HACE1: variants seen among roughly 807,000 people sequenced by gnomAD.
HACE1 encodes E3 ubiquitin-protein ligase HACE1.
A neutral mutation model predicts 118.4 loss-of-function variants in HACE1; 73 were observed. The ratio of observed to expected loss-of-function variants is 0.62; its 90% confidence interval spans 0.51 to 0.75. The LOEUF (loss-of-function observed/expected upper bound fraction) is 0.75, where lower values mean the gene tolerates loss of function less well. Among genes scored for constraint, HACE1 ranks in the 30% least tolerant of loss-of-function variants. The probability of loss-of-function intolerance (pLI) is 0.00; values close to 1 mark genes in which losing one functional copy is unlikely to be tolerated. For synonymous variants in HACE1, 368 were observed against 374.8 expected (o/e 0.98, Z 0.21); for missense variants, 749 against 1,102.2 (o/e 0.68, Z 4.54).
chr6:104,824,397 G>A (rs180706102), intron 6 of HACE1, among the ~76,000 whole-genome samples: 3 of 152,280 alleles, frequency 2.0e-5, no homozygotes, highest in Admixed American at 2.0e-4. Context: ...GGAGTTTCAA[G>A]ACTCCACATA....
At chr6:104,733,243 T>C (rs1203426484) in intron 22 of HACE1, among the ~76,000 whole-genome samples, 4 of 152,220 alleles carry the variant, frequency 2.6e-5, no homozygotes, top group Non-Finnish European at 4.4e-5. Context: ...ATATGATCAA[T>C]CTAATGTCCT....
At position 104,794,926 on chromosome 6, in the gene HACE1, G is replaced by C. The variant is rs563483847; in HGVS notation, c.923+653C>G. Reference sequence around the variant, plus strand: ...AAAAAAAAAAAATAATTGTATATATGTGTGTGTGTGTGTGTATACATATAT... The same window carrying C: ...AAAAAAAAAAAATAATTGTATATATCTGTGTGTGTGTGTGTATACATATAT... On this transcript the variant is annotated intron_variant, in intron 10 of 23. Coordinates refer to ENST00000262903, the MANE Select transcript of HACE1 (RefSeq NM_020771.4). Among the ~76,000 whole-genome samples the C allele has an allele frequency of 6.0e-5, 9 of 150,876 alleles. No individual in the cohort carries two copies. In the East Asian group the frequency reaches 1.4e-3, roughly 23 times the overall value.
Position 104,741,009 on chromosome 6 carries a change from C to T in HACE1, c.2513+3151G>A, listed in dbSNP as rs1043665556. The stretch of plus-strand genomic sequence containing the variant: ...TGGGATGCAAGGCTGGTTCAATATA[C>T]GCAAATCAATAAATGTAATCCAGCA... On this transcript the variant is annotated intron_variant, in intron 22 of 23. Transcript: ENST00000262903. Among the ~76,000 whole-genome samples, 569 of 130,442 alleles carry T rather than the reference C, an allele frequency of 4.4e-3. 1 individual carries two copies. The highest frequency in any genetic ancestry group is 0.019 in the East Asian group (88 of 4,574). 85.6% of individuals were successfully genotyped at this position (130,442 alleles called of 152,430 possible). A position where few individuals can be genotyped will look rare whatever the true frequency, so the allele number is the denominator to read the frequency against.
intron 19 of HACE1, 56 bp downstream of exon 19, chr6:104,771,137 C>A: frequency 3.1e-6 from 4 of 1,273,480 alleles, no homozygotes; most frequent in Non-Finnish European, 4.6e-6. Context: ...GAGTAACTAG[C>A]AAACTATCAG....
intron 2 of HACE1, 66 bp downstream of exon 2, chr6:104,852,251 A>C: frequency 1.2e-6 from 1 of 864,624 alleles, no homozygotes; most frequent in Non-Finnish European, 2.0e-6. Context: ...GTGCACGGGC[A>C]TGCAGTACAC....
chr6:104,846,766 T>C (rs1775707896), intron 4 of HACE1, among the ~76,000 whole-genome samples: 1 of 152,214 alleles, frequency 6.6e-6, no homozygotes, highest in Admixed American at 6.5e-5. Context: ...TAAAAAGCTA[T>C]TTCTGAAAAC....
rs372515246 is a variant in HACE1, at chr6:104,740,050, G to C, written c.2513+4110C>G. On this transcript the variant is annotated intron_variant, in intron 22 of 23. Transcript: ENST00000262903. ...ACTCAACTACATGGAAACTGAACAA[G>C]CTGCTCCTGAATGACTACTGGGTAC... is the stretch of plus-strand genomic sequence containing the variant. 3.3e-4 allele frequency among the ~76,000 whole-genome samples: 50 copies of C among 151,722 alleles called. No homozygotes were observed. In the East Asian group the frequency reaches 8.1e-3, roughly 25 times the overall value.
intron 4 of HACE1, among the ~76,000 whole-genome samples, chr6:104,845,245 A>G (rs1442289372): frequency 6.6e-6 from 1 of 152,032 alleles, no homozygotes; most frequent in East Asian, 1.9e-4. Flanking sequence ...TTCTTTAATC[A>G]ACTCAGTAGT....
At chr6:104,778,762 G>A (rs1054858298) in intron 14 of HACE1, among the ~76,000 whole-genome samples, 6 of 151,862 alleles carry the variant, frequency 4.0e-5, no homozygotes, top group South Asian at 2.1e-4. Context: ...ATTGTAGTGT[G>A]CTCACTTTGT....
intron 22 of HACE1, among the ~76,000 whole-genome samples, chr6:104,741,506 T>C (rs912431931): frequency 7.8e-6 from 1 of 128,012 alleles, no homozygotes; most frequent in Non-Finnish European, 1.6e-5. Context: ...AGCATTCTTA[T>C]ACACCAACAA....
At chr6:104,827,409 AG>A (rs1773447962) in intron 6 of HACE1, among the ~76,000 whole-genome samples, 1 of 152,192 alleles carries the variant, frequency 6.6e-6, no homozygotes, top group Non-Finnish European at 1.5e-5. Flanking sequence ...CTCACTAATC[AG>A]TGACTGGTTT....
At chr6:104,744,070 G>A (rs753107708) in intron 22 of HACE1, 90 bp downstream of exon 22, 1 of 809,342 alleles carries the variant, frequency 1.2e-6, no homozygotes, top group South Asian at 1.4e-5. Flanking sequence ...TGACAATTCA[G>A]AGTAATAATT....
intron 4 of HACE1, among the ~76,000 whole-genome samples, chr6:104,844,169 C>T (rs1173610328): frequency 6.7e-6 from 1 of 148,966 alleles, no homozygotes. Context: ...TCCCAAGCAG[C>T]TAGGATTTCA....
chr6:104,730,609 A>AC (rs1166091024), intron 22 of HACE1, 193 bp from the exon 23 acceptor site: 1 of 568,534 alleles, frequency 1.8e-6, no homozygotes. Flanking sequence ...CCATGGAGAC[A>AC]CCCCTCCACA....
chr6:104,818,627 C>G (rs1772361645), intron 6 of HACE1, among the ~76,000 whole-genome samples: 1 of 151,790 alleles, frequency 6.6e-6, no homozygotes. Flanking sequence ...ATGCAAAAAT[C>G]CCTAACAAAA....
At position 104,729,068 on chromosome 6, in the gene HACE1, T is replaced by C. The variant is rs1178515961; in HGVS notation, c.*594A>G. The stretch of plus-strand genomic sequence containing the variant: ...TATAGCGTAAGCTTTCATATATAAA[T>C]TATATGTCATTTCATCAACTGTTAG... On this transcript the variant is annotated 3_prime_UTR_variant, in exon 24 of 24. Transcript: ENST00000262903. 2 of 152,648 alleles carry C rather than the reference T, an allele frequency of 1.3e-5. No individual in the cohort carries two copies. Among genetic ancestry groups the C allele is most frequent in the African/African-American group, 4.8e-5 (2 of 41,456 alleles). The allele number at this position is 152,648 out of a possible 1,614,324, so 9.5% of individuals were successfully genotyped here.
intron 14 of HACE1, among the ~76,000 whole-genome samples, chr6:104,779,043 T>C (rs931233197): frequency 2.6e-5 from 4 of 152,008 alleles, no homozygotes; most frequent in African/African-American, 9.7e-5. Context: ...AATAAAAACA[T>C]GAACAAAGGT....
At chr6:104,767,992 C>T (rs1276825102) in intron 19 of HACE1, among the ~76,000 whole-genome samples, 1 of 151,984 alleles carries the variant, frequency 6.6e-6, no homozygotes, top group Non-Finnish European at 1.5e-5. Context: ...ATTCTAAATG[C>T]TAGAACTGAA....
At chr6:104,856,577 G>C (rs1181931869) in intron 1 of HACE1, among the ~76,000 whole-genome samples, 2 of 151,986 alleles carry the variant, frequency 1.3e-5, no homozygotes, top group Non-Finnish European at 2.9e-5. Flanking sequence ...TGGGATTACA[G>C]GCACCCGCCA....
Sources: gnomAD v4.1 joint callset for allele counts (sites outside exome capture counted in the v4.1 genomes callset) on GRCh38, gnomAD v4.1.1 for gene constraint, MANE v1.5 for transcripts, NCBI Gene and HGNC (gene_info 2026-07-23, HGNC 2026-07-21) for gene names.